Variants in DDX42 observed in about 807,000 individuals in gnomAD.
The protein encoded by DDX42 is DEAD-box helicase 42.
In DDX42, 22 loss-of-function variants were observed where a neutral mutation model predicts 101.5. The observed-to-expected ratio is 0.22, with a 90% CI of 0.15 to 0.31. The LOEUF is 0.31. Among genes scored for constraint, DDX42 ranks in the 10% least tolerant of loss-of-function variants. The pLI, the probability that DDX42 is intolerant of heterozygous loss-of-function variation, is 1.00. For missense variants in DDX42, 849 were observed against 1,199.9 expected, an observed-to-expected ratio of 0.71 and a Z score of 4.32; for synonymous variants, 402 against 401.2, an observed-to-expected ratio of 1.00 and a Z score of -0.02.
At chr17:63,804,010 A>G (rs2039807173) in intron 6 of DDX42, among the ~76,000 whole-genome samples, 1 of 152,206 alleles carries the variant, frequency 6.6e-6, no homozygotes, top group Non-Finnish European at 1.5e-5. Context: ...ATTTGAATAT[A>G]GTAGGAGCTA....
At chr17:63,813,541 A>G in intron 15 of DDX42, 87 bp downstream of exon 15, 2 of 1,279,908 alleles carry the variant, frequency 1.6e-6, no homozygotes, top group Non-Finnish European at 2.2e-6. Flanking sequence ...TAAAAACTTG[A>G]CAAGAAAGTT....
intron 2 of DDX42, among the ~76,000 whole-genome samples, chr17:63,789,546 CTTTTTTGTTTTTGTTTTTGTTTTT>C (rs1474810314): frequency 3.0e-4 from 36 of 121,814 alleles, no homozygotes; most frequent in South Asian, 1.3e-3. Context: ...TTCTAAAAGA[CTTTTTTGTTTTTGTTTTTGTTTTT>C]GTTTTTTTTT....
intron 1 of DDX42, among the ~76,000 whole-genome samples, chr17:63,775,456 T>G (rs1032594678): frequency 6.6e-6 from 1 of 152,066 alleles, no homozygotes; most frequent in Admixed American, 6.6e-5. Flanking sequence ...ATCAGTATCT[T>G]AGGGAAAAGA....
chr17:63,802,015 A>C (rs1000427658), intron 6 of DDX42, among the ~76,000 whole-genome samples: 10 of 152,182 alleles, frequency 6.6e-5, no homozygotes, highest in African/African-American at 2.4e-4. Context: ...ACAGAGTCCA[A>C]ACACTTTTCA....
intron 1 of DDX42, among the ~76,000 whole-genome samples, chr17:63,779,507 T>C (rs2039460597): frequency 6.6e-6 from 1 of 152,292 alleles, no homozygotes; most frequent in Non-Finnish European, 1.5e-5. Flanking sequence ...CGAGCCATCC[T>C]CCTGCCTTGG....
intron 6 of DDX42, among the ~76,000 whole-genome samples, chr17:63,802,386 C>CT (rs1280762540): frequency 3.3e-5 from 5 of 152,328 alleles, no homozygotes. Context: ...GAACTAGCTA[C>CT]TTTTTTTCAT....
chr17:63,800,263 A>G (rs2039746134), intron 5 of DDX42: 4 of 502,964 alleles, frequency 8.0e-6, no homozygotes, highest in Non-Finnish European at 1.4e-5. Context: ...GCAACATTTA[A>G]TAGTACTAAC....
rs528595004 is a variant in DDX42 at position 63,782,084 on chromosome 17, G to C, written c.-16-4950G>C. On this transcript the variant is annotated intron_variant, in intron 1 of 17. Coordinates refer to ENST00000389924, the MANE Select transcript of DDX42 (RefSeq NM_203499.3). ...TCACGAGGTCAGGAGTTTGAGACCA[G>C]CCTGGCCAACATGGTGAAACCTGTC... Among the ~76,000 whole-genome samples the C allele has an allele frequency of 2.0e-5, 3 of 152,132 alleles. No homozygotes were observed. The East Asian group carries it at 5.8e-4, about 29-fold the overall frequency.
intron 10 of DDX42, among the ~76,000 whole-genome samples, 177 bp downstream of exon 10, chr17:63,809,125 C>G (rs1168430355): frequency 6.6e-6 from 1 of 152,156 alleles, no homozygotes; most frequent in East Asian, 1.9e-4. Flanking sequence ...CAGTGAGAGT[C>G]TCTGTGACAT....
rs746487876 is a variant in DDX42 at position 63,816,969 on chromosome 17, C to T, written c.2112+3C>T. On this transcript the variant is annotated splice_donor_region_variant and intron_variant, in intron 17 of 17. Coordinates refer to ENST00000389924, the MANE Select transcript of DDX42 (RefSeq NM_203499.3). ...CGGCAATGAAAGCAGCTTTCCAGGT[C>T]TGAAATAAGCATTTCATTAAAAGCA... is the stretch of plus-strand genomic sequence containing the variant. 1 of 1,612,490 alleles carries T rather than the reference C, an allele frequency of 6.2e-7. No individual in the cohort carries two copies. Among genetic ancestry groups the T allele is most frequent in the South Asian group, 1.1e-5 (1 of 90,856 alleles).
intron 16 of DDX42, among the ~76,000 whole-genome samples, chr17:63,816,317 A>AATG (rs1183064565): frequency 1.3e-5 from 2 of 152,218 alleles, no homozygotes; most frequent in Non-Finnish European, 2.9e-5. Context: ...TTATAATAAT[A>AATG]ATGATGATGA....
chr17:63,814,456 A>G (rs1403228141), intron 15 of DDX42, among the ~76,000 whole-genome samples: 1 of 152,200 alleles, frequency 6.6e-6, no homozygotes, highest in Non-Finnish European at 1.5e-5. Context: ...GAAGAGAATA[A>G]TGTTTCCTCC....
At chr17:63,810,018 T>C (rs2039890193) in intron 11 of DDX42, among the ~76,000 whole-genome samples, 1 of 152,162 alleles carries the variant, frequency 6.6e-6, no homozygotes, top group Non-Finnish European at 1.5e-5. Flanking sequence ...TCTTTACTGA[T>C]TGGAACACTG....
rs2039386731 is a variant in DDX42, at chr17:63,774,293, G to T, written c.-100G>T. 6 of 280,602 alleles carry T rather than the reference G, an allele frequency of 2.1e-5. 2 individuals carry two copies. Among genetic ancestry groups the T allele is most frequent in the Non-Finnish European group, 4.0e-5 (6 of 151,112 alleles). The allele number at this position is 280,602 out of a possible 1,614,324, so 17.4% of individuals were successfully genotyped here. A position where few individuals can be genotyped will look rare whatever the true frequency, so the allele number is the denominator to read the frequency against. ...GGAGAGGAAGGAGCGCGGCGGGACCGGGCCGGGACAGCGCGTACTTTGGGC... is the reference window on the plus strand; with the variant it reads ...GGAGAGGAAGGAGCGCGGCGGGACCTGGCCGGGACAGCGCGTACTTTGGGC... On this transcript the variant is annotated 5_prime_UTR_variant, in exon 1 of 18. Transcript: ENST00000389924.
intron 12 of DDX42, 122 bp downstream of exon 12, chr17:63,810,682 A>AGGG (rs1483679726): frequency 2.6e-5 from 25 of 956,098 alleles, no homozygotes; most frequent in Non-Finnish European, 3.8e-5. Context: ...AACCATAATA[A>AGGG]GGGAGGTAAT....
chr17:63,790,190 T>G (rs1256318782), intron 2 of DDX42, among the ~76,000 whole-genome samples: 1 of 152,156 alleles, frequency 6.6e-6, no homozygotes, highest in Non-Finnish European at 1.5e-5. Flanking sequence ...TATGAATGAA[T>G]ATGCATGAGT....
chr17:63,796,897 A>G (rs1007549327), intron 3 of DDX42, among the ~76,000 whole-genome samples: 1 of 152,200 alleles, frequency 6.6e-6, no homozygotes, highest in African/African-American at 2.4e-5. Context: ...GTTTGATAGA[A>G]CACCCGATCA....
chr17:63,807,609 G>T, intron 8 of DDX42, 115 bp from the exon 9 acceptor site: 1 of 947,652 alleles, frequency 1.1e-6, no homozygotes. Flanking sequence ...CACCAGGTAT[G>T]TTTTGTTCCA....
intron 2 of DDX42, among the ~76,000 whole-genome samples, chr17:63,790,843 A>G (rs948570712): frequency 9.2e-5 from 14 of 151,976 alleles, no homozygotes; most frequent in Non-Finnish European, 1.5e-5. Context: ...AGGCAGGAGA[A>G]TTGCTTGAAC....
Sources: allele counts gnomAD v4.1 joint callset (sites outside exome capture counted in the v4.1 genomes callset), GRCh38; gene constraint gnomAD v4.1.1; transcripts MANE v1.5; gene names NCBI Gene and HGNC (gene_info 2026-07-23, HGNC 2026-07-21).